AUTS2: variants seen among roughly 807,000 people sequenced by gnomAD.
AUTS2 encodes activator of transcription and developmental regulator AUTS2.
A neutral mutation model predicts 112.4 loss-of-function variants in AUTS2; 17 were observed. The ratio of observed to expected loss-of-function variants is 0.15; its 90% CI spans 0.10 to 0.23. The LOEUF is 0.23. Ranked by LOEUF, AUTS2 falls within the 10% of genes least tolerant of loss-of-function variation. AUTS2 has a pLI of 1.00. For missense variants in AUTS2, 1,510 were observed against 1,701.6 expected (o/e 0.89, Z 1.98); for synonymous variants, 751 against 702.7 (o/e 1.07, Z -1.09).
intron 2 of AUTS2, among the ~76,000 whole-genome samples, chr7:69,999,679 C>T (rs1799099392): frequency 6.6e-6 from 1 of 151,644 alleles, no homozygotes; most frequent in South Asian, 2.1e-4. Context: ...GTGACAACAA[C>T]AAAAAAGCCC....
intron 2 of AUTS2, among the ~76,000 whole-genome samples, chr7:70,107,847 A>G (rs929609570): frequency 7.3e-5 from 11 of 151,198 alleles, no homozygotes; most frequent in African/African-American, 2.7e-4. Context: ...CCCCGTCTCT[A>G]CTAAAAATAC....
chr7:70,414,938 A>G (rs1012622410), intron 4 of AUTS2, among the ~76,000 whole-genome samples: 2 of 152,148 alleles, frequency 1.3e-5, no homozygotes, highest in East Asian at 3.9e-4. Flanking sequence ...AGTGGATCCA[A>G]AGTTGGTGGG....
intron 2 of AUTS2, among the ~76,000 whole-genome samples, chr7:69,959,704 T>G (rs1298254888): frequency 6.6e-6 from 1 of 152,206 alleles, no homozygotes; most frequent in Admixed American, 6.5e-5. Flanking sequence ...TTCTGAACTA[T>G]TTCTCTCTCT....
intron 1 of AUTS2, among the ~76,000 whole-genome samples, chr7:69,783,708 A>G (rs1789244212): frequency 6.6e-6 from 1 of 152,152 alleles, no homozygotes; most frequent in Non-Finnish European, 1.5e-5. Context: ...ATTGGTCCTA[A>G]GAGTAACATT....
At chr7:69,892,212 G>A (rs867415940) in intron 1 of AUTS2, among the ~76,000 whole-genome samples, 5 of 128,668 alleles carry the variant, frequency 3.9e-5, no homozygotes, top group South Asian at 2.5e-4. Flanking sequence ...TTGCTCTGTC[G>A]CCCAGGCTGG....
intron 5 of AUTS2, among the ~76,000 whole-genome samples, chr7:70,501,509 C>T (rs1211783931): frequency 6.6e-6 from 1 of 152,164 alleles, no homozygotes; most frequent in African/African-American, 2.4e-5. Flanking sequence ...AGCTGATAGT[C>T]ACTTTGCAGA....
intron 1 of AUTS2, among the ~76,000 whole-genome samples, chr7:69,777,223 G>A (rs980784202): frequency 6.6e-6 from 1 of 152,050 alleles, no homozygotes; most frequent in Non-Finnish European, 1.5e-5. Flanking sequence ...ATAAATGGAG[G>A]ATATCTAGCA....
chr7:69,922,073 A>C (rs971213792), intron 2 of AUTS2, among the ~76,000 whole-genome samples: 3 of 152,172 alleles, frequency 2.0e-5, no homozygotes. Context: ...TCAAAAAAAG[A>C]AAAAAGAAAA....
chr7:70,250,833 G>A (rs1048192165), intron 4 of AUTS2, among the ~76,000 whole-genome samples: 4 of 152,122 alleles, frequency 2.6e-5, no homozygotes, highest in Non-Finnish European at 4.4e-5. Context: ...CAGACACTAG[G>A]AGGGGAATAA....
intron 1 of AUTS2, among the ~76,000 whole-genome samples, chr7:69,790,900 G>A (rs1037158404): frequency 6.6e-6 from 1 of 152,202 alleles, no homozygotes; most frequent in Non-Finnish European, 1.5e-5. Flanking sequence ...GCTTGTGCAA[G>A]GAGACCCAAC....
chr7:70,689,913 C>G (rs1271017785), intron 5 of AUTS2, among the ~76,000 whole-genome samples: 1 of 152,096 alleles, frequency 6.6e-6, no homozygotes, highest in Non-Finnish European at 1.5e-5. Flanking sequence ...ACTGGGAGAA[C>G]CCAGTAGAAG....
chr7:70,543,875 T>G (rs1800660059), intron 5 of AUTS2, among the ~76,000 whole-genome samples: 1 of 152,214 alleles, frequency 6.6e-6, no homozygotes, highest in African/African-American at 2.4e-5. Context: ...GTTGAGTCTT[T>G]GAAGTCTACC....
At chr7:70,399,592 A>T (rs1444034796) in intron 4 of AUTS2, among the ~76,000 whole-genome samples, 1 of 152,110 alleles carries the variant, frequency 6.6e-6, no homozygotes, top group African/African-American at 2.4e-5. Flanking sequence ...ACCTAAGTGG[A>T]TAGCAGTTTA....
chr7:70,777,564 C>T (rs1374522805), intron 14 of AUTS2, among the ~76,000 whole-genome samples: 1 of 152,148 alleles, frequency 6.6e-6, no homozygotes, highest in Non-Finnish European at 1.5e-5. Flanking sequence ...GTCTCAGACT[C>T]CTGGCCCCAA....
chr7:70,052,999 C>T (rs1801823877), intron 2 of AUTS2, among the ~76,000 whole-genome samples: 1 of 152,142 alleles, frequency 6.6e-6, no homozygotes. Flanking sequence ...TCAAGCACAG[C>T]TATTAATTTG....
At chr7:70,534,043 C>T (rs181678671) in intron 5 of AUTS2, among the ~76,000 whole-genome samples, 1 of 152,300 alleles carries the variant, frequency 6.6e-6, no homozygotes, top group East Asian at 1.9e-4. Flanking sequence ...GGGCTGGGAG[C>T]CTTCTGGGTT....
chr7:69,876,525 TATATATATATATATA>T lies in AUTS2; in HGVS notation c.310-22760_310-22746del, dbSNP rs1793805399. ...ATATATATATATATATATATATATA[TATATATATATATATA>T]TATATTTTCAGTGTTCATATAACAA... On this transcript the variant is annotated intron_variant, in intron 1 of 18. Transcript: ENST00000342771. Among the ~76,000 whole-genome samples, 4 of 53,054 alleles carry T rather than the reference TATATATATATATATA, an allele frequency of 7.5e-5. No individual in the cohort carries two copies. In the South Asian group the frequency reaches 2.1e-3, roughly 27 times the overall value. 34.8% of individuals were successfully genotyped at this position (53,054 alleles called of 152,430 possible).
chr7:69,686,192 A>G (rs780381667), intron 1 of AUTS2, among the ~76,000 whole-genome samples: 28 of 152,174 alleles, frequency 1.8e-4, no homozygotes, highest in Non-Finnish European at 3.4e-4. Flanking sequence ...TAGTTTCCCA[A>G]GTAGGAAGGG....
At chr7:70,751,766 G>A (rs1053306708) in intron 6 of AUTS2, among the ~76,000 whole-genome samples, 2 of 152,158 alleles carry the variant, frequency 1.3e-5, no homozygotes, top group African/African-American at 4.8e-5. Flanking sequence ...TGTTGCCAAG[G>A]CTGGAGTGCA....
Sources: gnomAD v4.1 joint callset for allele counts (sites outside exome capture counted in the v4.1 genomes callset) on GRCh38, gnomAD v4.1.1 for gene constraint, MANE v1.5 for transcripts, NCBI Gene and HGNC (gene_info 2026-07-23, HGNC 2026-07-21) for gene names.